RICTOR: variants seen among roughly 807,000 people sequenced by gnomAD.
RICTOR encodes the protein RPTOR independent companion of MTOR complex 2.
A neutral mutation model predicts 214.9 loss-of-function variants in RICTOR; 49 were observed. The ratio of observed to expected loss-of-function variants is 0.23; its 90% CI spans 0.18 to 0.29. The LOEUF (loss-of-function observed/expected upper bound fraction) is 0.29. Ranked by LOEUF, RICTOR falls within the 10% of genes least tolerant of loss-of-function variation. The pLI is 1.00. For synonymous variants in RICTOR, 717 were observed against 711.3 expected (o/e 1.01, Z -0.13); for missense variants, 1,625 against 2,047.0 (o/e 0.79, Z 3.98).
At chr5:38,961,812 G>GTCTAAACTCAGGAGTAAAAACAT (rs1454372733) in intron 19 of RICTOR, among the ~76,000 whole-genome samples, 1 of 152,056 alleles carries the variant, frequency 6.6e-6, no homozygotes, top group Non-Finnish European at 1.5e-5. Flanking sequence ...TAGCTGGTTA[G>GTCTAAACTCAGGAGTAAAAACAT]TCTAAACTCA....
intron 11 of RICTOR, chr5:38,970,067 G>GT (rs1203033486): frequency 2.0e-5 from 3 of 152,248 alleles, no homozygotes; most frequent in African/African-American, 7.2e-5. Context: ...ACAGTACTCA[G>GT]TACAGTAACA....
intron 3 of RICTOR, among the ~76,000 whole-genome samples, chr5:39,005,961 T>C (rs1737143419): frequency 6.6e-6 from 1 of 152,256 alleles, no homozygotes; most frequent in South Asian, 2.1e-4. Flanking sequence ...GATTTTCTAC[T>C]TAGGTTTTAA....
At chr5:39,041,639 T>C (rs748627715) in intron 2 of RICTOR, among the ~76,000 whole-genome samples, 2 of 152,110 alleles carry the variant, frequency 1.3e-5, no homozygotes, top group Admixed American at 6.6e-5. Flanking sequence ...GATTTCCGGA[T>C]TGGGTAAATT....
rs140133000 is a variant in RICTOR at position 38,999,303 on chromosome 5, C to A, written c.393-2421G>T. 6.9e-3 allele frequency among the ~76,000 whole-genome samples: 1,042 copies of A among 151,590 alleles called. 52 individuals are homozygous for A. In the East Asian group the frequency reaches 0.12, roughly 17 times the overall value. On this transcript the variant is annotated intron_variant, in intron 5 of 37. Coordinates refer to ENST00000357387, the MANE Select transcript of RICTOR (RefSeq NM_152756.5). ...AATATACAACAGAGAAAAAAAAAAT[C>A]TTTAAAGCAGCCAGAGGTAAAAAGA...
chr5:39,002,018 A>G (rs1015566847), intron 5 of RICTOR, among the ~76,000 whole-genome samples: 8 of 152,074 alleles, frequency 5.3e-5, no homozygotes, highest in Admixed American at 2.0e-4. Flanking sequence ...AAATGAGTGC[A>G]TTTCCTCTTC....
At chr5:39,026,688 G>A (rs1444434423) in intron 2 of RICTOR, among the ~76,000 whole-genome samples, 1 of 151,514 alleles carries the variant, frequency 6.6e-6, no homozygotes. Flanking sequence ...ATACTCTGTG[G>A]TATTGTTTTT....
intron 2 of RICTOR, among the ~76,000 whole-genome samples, chr5:39,062,600 A>T (rs978900261): frequency 6.6e-6 from 1 of 152,154 alleles, no homozygotes; most frequent in African/African-American, 2.4e-5. Context: ...GAAGTATGAA[A>T]CTACTGATAA....
intron 19 of RICTOR, among the ~76,000 whole-genome samples, chr5:38,961,839 G>T (rs886404617): frequency 6.6e-6 from 1 of 151,970 alleles, no homozygotes; most frequent in Non-Finnish European, 1.5e-5. Flanking sequence ...AAAACATATG[G>T]GTGTAATGAA....
intron 10 of RICTOR, among the ~76,000 whole-genome samples, chr5:38,973,919 C>A (rs988452682): frequency 3.3e-5 from 5 of 152,132 alleles, no homozygotes; most frequent in Non-Finnish European, 7.4e-5. Flanking sequence ...AACTTATAAA[C>A]AGTACTACAG....
chr5:38,997,072 T>C (rs1753232035), intron 5 of RICTOR, among the ~76,000 whole-genome samples, 190 bp from the exon 6 acceptor site: 2 of 152,194 alleles, frequency 1.3e-5, no homozygotes. Context: ...ATATCTGTCA[T>C]TTAAAAGACC....
At chr5:38,990,657 T>G (rs1314971163) in intron 7 of RICTOR, among the ~76,000 whole-genome samples, 2 of 83,374 alleles carry the variant, frequency 2.4e-5, no homozygotes, top group Non-Finnish European at 5.0e-5. Flanking sequence ...AGATATATGA[T>G]ATATATCAGA....
intron 7 of RICTOR, among the ~76,000 whole-genome samples, chr5:38,985,930 A>C (rs1268274816): frequency 1.3e-5 from 2 of 152,102 alleles, no homozygotes; most frequent in Non-Finnish European, 1.5e-5. Flanking sequence ...TCCTGACCTC[A>C]GGTGATCCGC....
In RICTOR at chr5:38,944,939, C is replaced by T; in HGVS notation, c.4763G>A (p.Ser1588Asn). The T allele has an allele frequency of 6.2e-7, 1 of 1,613,946 alleles. No individual in the cohort carries two copies. Among genetic ancestry groups the T allele is most frequent in the Non-Finnish European group, 8.5e-7 (1 of 1,179,922 alleles). Residue 1588 changes from serine (S) to asparagine (N), a missense_variant, in exon 35 of 38, where the codon AGC (serine) becomes AAC (asparagine). Around this residue, in one of 5 missense-constraint regions of RICTOR, gnomAD observed 1,214 missense variants for 1,470.5 expected, o/e 0.83. Coordinates refer to ENST00000357387, the MANE Select transcript of RICTOR (RefSeq NM_152756.5). ...TAGTAACAATTCTGTGCTTTTGGTG[C>T]TGCTAGCTGAGCCTTCTTGAGACAC... The part of the protein sequence containing the change: ...DGVSQEGSAS[S>N]TKSTELLLGV...
rs1431493156 is a variant in RICTOR, at chr5:38,939,488, G to A, written c.*2816C>T. ...TTCCAATCTACCTAAGAATAAACAG[G>A]AAATAAAAGTATAGGAAATTTTAGA... On this transcript the variant is annotated 3_prime_UTR_variant, in exon 38 of 38. Transcript: ENST00000357387. 4.3e-6 allele frequency: 1 copy of A among 231,376 alleles called. No homozygotes were observed. The highest frequency in any genetic ancestry group is 8.5e-6 in the Non-Finnish European group (1 of 117,148). The allele number at this position is 231,376 out of a possible 1,614,324, so 14.3% of individuals were successfully genotyped here.
At chr5:38,981,749 G>T (rs1418189871) in intron 8 of RICTOR, 118 bp downstream of exon 8, 2 of 629,364 alleles carry the variant, frequency 3.2e-6, no homozygotes, top group South Asian at 2.5e-5. Context: ...AATTAGTGTC[G>T]GCTAATTTAG....
In RICTOR at chr5:38,967,926, T is replaced by C. The variant is rs199523444; in HGVS notation, c.1060+17A>G. 7.8e-7 allele frequency: 1 copy of C among 1,287,270 alleles called. No individual in the cohort carries two copies. 79.7% of individuals were successfully genotyped at this position (1,287,270 alleles called of 1,614,324 possible). ...ATTACAATATATGAAAAGATACAAA[T>C]GTACTTCAATACTTACCTACACTGA... On this transcript the variant is annotated intron_variant, in intron 12 of 37. Transcript: ENST00000357387.
rs78183424 is a variant in RICTOR, at chr5:39,073,405, C to T, written c.97+706G>A. ...ATTAAAAATATCACCCGAGTTTCCC[C>T]AGTTCGGAAGGTGTAAACAAACCCA... On this transcript the variant is annotated intron_variant, in intron 2 of 37. Coordinates refer to ENST00000357387, the MANE Select transcript of RICTOR (RefSeq NM_152756.5). 9.9e-3 allele frequency among the ~76,000 whole-genome samples: 1,507 copies of T among 152,278 alleles called. 30 individuals carry two copies. The highest frequency in any genetic ancestry group is 0.034 in the African/African-American group (1,426 of 41,532).
In RICTOR at chr5:38,950,477, C is replaced by T. The variant is rs965471106; in HGVS notation, c.3371G>A (p.Ser1124Asn). Residue 1124 changes from serine to asparagine, a missense_variant, in exon 31 of 38, where the codon AGT (serine) becomes AAT (asparagine). By Grantham distance (46) the Ser-to-Asn change is conservative. Transcript: ENST00000357387. ...TCTGATTCGCCTGTTGCTTGTCTTA[C>T]TTTCAGATGATAATTTCCCTCCTTT... Reference protein sequence around the residue: ...DPKGGKLSSESKTSNRRIRTL... With the variant: ...DPKGGKLSSENKTSNRRIRTL... 4.5e-5 allele frequency: 72 copies of T among 1,613,392 alleles called. No individual in the cohort carries two copies. The highest frequency in any genetic ancestry group is 5.9e-5 in the Non-Finnish European group (70 of 1,179,664).
intron 14 of RICTOR, 42 bp from the exon 15 acceptor site, chr5:38,966,763 C>T: frequency 9.8e-7 from 1 of 1,025,552 alleles, no homozygotes; most frequent in Non-Finnish European, 1.5e-6. Context: ...CAAAATAATA[C>T]ATATGAAAAC....
Sources: allele counts gnomAD v4.1 joint callset (sites outside exome capture counted in the v4.1 genomes callset), GRCh38; gene constraint gnomAD v4.1.1; regional missense constraint gnomAD v4.1.1; transcripts MANE v1.5; gene names NCBI Gene and HGNC (gene_info 2026-07-23, HGNC 2026-07-21).